UBAP2L: variants seen among roughly 807,000 people sequenced by gnomAD.
The protein encoded by UBAP2L is ubiquitin-associated protein 2-like.
Under a neutral mutation model 130.6 loss-of-function variants are expected in UBAP2L, and 12 were observed. The ratio of observed to expected loss-of-function variants is 0.09; its 90% CI spans 0.06 to 0.15. The LOEUF (loss-of-function observed/expected upper bound fraction) is 0.15. Ranked by LOEUF, UBAP2L falls within the 10% of genes least tolerant of loss-of-function variation. The pLI, the probability that UBAP2L is intolerant of heterozygous loss-of-function variation, is 1.00. For missense variants in UBAP2L, 965 were observed against 1,332.5 expected, an observed-to-expected ratio of 0.72 and a Z score of 4.29; for synonymous variants, 503 against 524.7, an observed-to-expected ratio of 0.96 and a Z score of 0.57.
At chr1:154,265,738 G>C (rs190374431) in intron 24 of UBAP2L, among the ~76,000 whole-genome samples, 141 of 152,076 alleles carry the variant, frequency 9.3e-4, no homozygotes, top group African/African-American at 3.3e-3. Context: ...GAGAGTTGGG[G>C]TATGAGAGCT....
intron 9 of UBAP2L, among the ~76,000 whole-genome samples, chr1:154,242,375 A>G (rs1417381451): frequency 6.6e-6 from 1 of 152,230 alleles, no homozygotes. Flanking sequence ...TGGGTTTTTT[A>G]AATTTCAGAG....
At chr1:154,249,628 G>C (rs372400791) in intron 12 of UBAP2L, among the ~76,000 whole-genome samples, 191 bp downstream of exon 12, 1 of 151,992 alleles carries the variant, frequency 6.6e-6, no homozygotes, top group African/African-American at 2.4e-5. Flanking sequence ...AAAATTTGAG[G>C]CTATGTATTT....
At chr1:154,236,635 T>C in intron 7 of UBAP2L, 24 bp downstream of exon 7, 1 of 1,613,590 alleles carries the variant, frequency 6.2e-7, no homozygotes, top group South Asian at 1.1e-5. Context: ...ATCTAGTGTC[T>C]TAATTTTTTT....
intron 16 of UBAP2L, 95 bp downstream of exon 16, chr1:154,254,985 C>T: frequency 6.9e-7 from 1 of 1,458,726 alleles, no homozygotes; most frequent in Non-Finnish European, 9.3e-7. Flanking sequence ...ACAATTGAGA[C>T]CCATGCTGTG....
chr1:154,268,460 G>C (rs925645684), intron 25 of UBAP2L, among the ~76,000 whole-genome samples: 6 of 152,174 alleles, frequency 3.9e-5, no homozygotes, highest in African/African-American at 1.4e-4. Context: ...CAAAGTGCTG[G>C]GATTACAGAT....
chr1:154,263,369 A>G, intron 24 of UBAP2L: 4 of 1,379,364 alleles, frequency 2.9e-6, no homozygotes, highest in Non-Finnish European at 3.7e-6. Flanking sequence ...ACCCATTTCA[A>G]GTTCAAGCGG....
chr1:154,220,279 C>T, upstream of UBAP2L: 3 of 1,591,268 alleles, frequency 1.9e-6, no homozygotes, highest in South Asian at 3.3e-5. Flanking sequence ...GGGTACAGCT[C>T]AAAAGGAGGG....
At chr1:154,271,158 G>A (rs1684662058), downstream of UBAP2L, 1 of 500,906 alleles carries the variant, frequency 2.0e-6, no homozygotes, top group Admixed American at 3.5e-5. Context: ...AGTAAAGGGA[G>A]AGGGATAGAG....
Position 154,260,936 on chromosome 1 carries a change from C to A in UBAP2L, c.2623C>A (p.Pro875Thr), listed in dbSNP as rs1166319959. The change falls in exon 23 of 27, where the codon CCG (proline) becomes ACG (threonine). Residue 875 changes from proline (P) to threonine (T), a missense_variant. Physicochemically the swap from Pro to Thr is conservative, Grantham distance 38. This residue lies in a region of UBAP2L where 194 missense variants were observed against 334.0 expected (regional missense o/e 0.58). Coordinates refer to ENST00000428931, the MANE Select transcript of UBAP2L (RefSeq NM_014847.4). ...CCGTGGGGATGCCTCCTCCCCAGCC[C>A]CGGCCACAACCTTGGCCCAACCCCA... Reference protein sequence around the residue: ...FGRGDASSPAPATTLAQPQQN... With the variant: ...FGRGDASSPATATTLAQPQQN... The A allele has an allele frequency of 6.2e-7, 1 of 1,614,224 alleles. No homozygotes were observed. The highest frequency in any genetic ancestry group is 1.1e-5 in the South Asian group (1 of 91,084).
At chr1:154,268,481 A>C (rs991241578) in intron 25 of UBAP2L, among the ~76,000 whole-genome samples, 1 of 152,206 alleles carries the variant, frequency 6.6e-6, no homozygotes, top group Non-Finnish European at 1.5e-5. Context: ...GTGAGCCACC[A>C]TGCCCAGCCT....
chr1:154,260,325 TA>T lies in UBAP2L; in HGVS notation c.2578+297del, dbSNP rs539611696. 4.4e-3 allele frequency among the ~76,000 whole-genome samples: 676 copies of T among 152,260 alleles called. 10 individuals carry two copies. The highest frequency in any genetic ancestry group is 0.017 in the Middle Eastern group (5 of 294). Reference sequence around the variant, plus strand: ...GAGTTCAAGACCAGCCTGGGCAACATAGCAAGACCCCATCTCCAAAAAAAGT... The same window carrying T: ...GAGTTCAAGACCAGCCTGGGCAACATGCAAGACCCCATCTCCAAAAAAAGT... On this transcript the variant is annotated intron_variant, in intron 22 of 26. Transcript: ENST00000428931.
At chr1:154,228,900 T>G (rs1353619381) in intron 4 of UBAP2L, among the ~76,000 whole-genome samples, 175 bp downstream of exon 4, 1 of 152,208 alleles carries the variant, frequency 6.6e-6, no homozygotes, top group Admixed American at 6.5e-5. Flanking sequence ...AATTTATGTG[T>G]ACTACATCCT....
rs1671060232 is a variant in UBAP2L, at chr1:154,234,778, C to T, written c.448+19C>T. 1 of 1,568,024 alleles carries T rather than the reference C, an allele frequency of 6.4e-7. No individual in the cohort carries two copies. Among genetic ancestry groups the T allele is most frequent in the African/African-American group, 1.3e-5 (1 of 74,098 alleles). ...CGAGAGTGTATGCATGGGGCTTTAT[C>T]AAAACCAGCTGTGGGTCAGTAATGT... is the stretch of plus-strand genomic sequence containing the variant. On this transcript the variant is annotated intron_variant, in intron 5 of 26. Coordinates refer to ENST00000428931, the MANE Select transcript of UBAP2L (RefSeq NM_014847.4).
In UBAP2L at chr1:154,255,631, G is replaced by A. The variant is rs1466082648; in HGVS notation, c.2085-52G>A. On this transcript the variant is annotated intron_variant, in intron 17 of 26. Coordinates refer to ENST00000428931, the MANE Select transcript of UBAP2L (RefSeq NM_014847.4). Reference sequence around the variant, plus strand: ...TGTTATGTTCTTGACTGAAGCTCCAGGTCACGTAACTATAGCACTATGGCT... The same window carrying A: ...TGTTATGTTCTTGACTGAAGCTCCAAGTCACGTAACTATAGCACTATGGCT... The A allele has an allele frequency of 1.9e-6, 3 of 1,581,942 alleles. No homozygotes were observed. In the African/African-American group the frequency reaches 4.0e-5, roughly 21 times the overall value.
At chr1:154,220,473 C>T, upstream of UBAP2L, 1 of 1,597,456 alleles carries the variant, frequency 6.3e-7, no homozygotes, top group Middle Eastern at 1.7e-4. Context: ...AGCCCAGGCT[C>T]CGCCGAAGCG....
Position 154,259,445 on chromosome 1 carries a change from G to A in UBAP2L, c.2496+415G>A, listed in dbSNP as rs1404472189. ...CTGACCTTATGATCCACCCGCCTCTGCCTCCCTAAGTGCTGAGCTTATAGG... is the reference window on the plus strand; with the variant it reads ...CTGACCTTATGATCCACCCGCCTCTACCTCCCTAAGTGCTGAGCTTATAGG... On this transcript the variant is annotated intron_variant, in intron 21 of 26. Coordinates refer to ENST00000428931, the MANE Select transcript of UBAP2L (RefSeq NM_014847.4). Among the ~76,000 whole-genome samples, 8 of 151,844 alleles carry A rather than the reference G, an allele frequency of 5.3e-5. No individual in the cohort carries two copies. In the East Asian group the frequency reaches 1.5e-3, roughly 29 times the overall value.
intron 25 of UBAP2L, among the ~76,000 whole-genome samples, chr1:154,267,906 T>TTTTTTTTTTG (rs1683806354): frequency 7.4e-6 from 1 of 135,896 alleles, no homozygotes; most frequent in South Asian, 2.3e-4. Context: ...TTTTTTTTTT[T>TTTTTTTTTTG]GAGACGGAGT....
chr1:154,233,627 A>C (rs1386899396), intron 4 of UBAP2L, among the ~76,000 whole-genome samples: 3 of 149,722 alleles, frequency 2.0e-5, no homozygotes, highest in African/African-American at 7.5e-5. Context: ...CTGGCCACCC[A>C]GCCTGATCTT....
intron 4 of UBAP2L, among the ~76,000 whole-genome samples, chr1:154,232,110 C>T (rs935792109): frequency 6.6e-6 from 1 of 151,980 alleles, no homozygotes; most frequent in Non-Finnish European, 1.5e-5. Flanking sequence ...GGGCGGATCA[C>T]GAGGTCAAGT....
Sources: allele counts gnomAD v4.1 joint callset (sites outside exome capture counted in the v4.1 genomes callset), GRCh38; gene constraint gnomAD v4.1.1; regional missense constraint gnomAD v4.1.1; transcripts MANE v1.5; gene names NCBI Gene and HGNC (gene_info 2026-07-23, HGNC 2026-07-21).